Variants in STK38L observed in about 807,000 individuals in gnomAD.
The protein encoded by STK38L is serine/threonine kinase 38 like.
In STK38L, 28 loss-of-function variants were observed where a neutral mutation model predicts 59.7. The observed-to-expected ratio is 0.47, with a 90% CI of 0.35 to 0.64. The LOEUF is 0.64. STK38L is among the 30% of genes least tolerant of loss of function. The pLI, the probability that STK38L is intolerant of heterozygous loss-of-function variation, is 0.01. For synonymous variants in STK38L, 162 were observed against 176.8 expected, an observed-to-expected ratio of 0.92 and a Z score of 0.66; for missense variants, 314 against 555.8, an observed-to-expected ratio of 0.56 and a Z score of 4.37.
rs757688003 is a variant in STK38L at position 27,315,129 on chromosome 12, T to C, written c.775+12T>C. 1.9e-6 allele frequency: 3 copies of C among 1,610,214 alleles called. No individual in the cohort carries two copies. The highest frequency in any genetic ancestry group is 1.7e-6 in the Non-Finnish European group (2 of 1,177,042). On this transcript the variant is annotated intron_variant, in intron 8 of 13. Coordinates refer to ENST00000389032, the MANE Select transcript of STK38L (RefSeq NM_015000.4). Reference sequence around the variant, plus strand: ...ACCAAGTGACTTCTGTAAGTTTGGTTGTTGTTTTTCTTCTTTCCCCTGGTT... The same window carrying C: ...ACCAAGTGACTTCTGTAAGTTTGGTCGTTGTTTTTCTTCTTTCCCCTGGTT...
intron 12 of STK38L, among the ~76,000 whole-genome samples, chr12:27,320,961 C>T (rs1366595565): frequency 1.3e-5 from 2 of 151,954 alleles, no homozygotes; most frequent in African/African-American, 4.8e-5. Flanking sequence ...TTGAATAGAA[C>T]TAGAATACCC....
chr12:27,321,839 C>T (rs1288187281), intron 12 of STK38L, among the ~76,000 whole-genome samples: 3 of 152,080 alleles, frequency 2.0e-5, no homozygotes, highest in African/African-American at 7.2e-5. Context: ...CCATTCTGCA[C>T]GATGTGCTTA....
intron 6 of STK38L, 37 bp from the exon 7 acceptor site, chr12:27,314,467 T>C: frequency 7.0e-7 from 1 of 1,431,830 alleles, no homozygotes; most frequent in Non-Finnish European, 9.2e-7. Context: ...CTTTGAGGCA[T>C]TTTCAATAAT....
At position 27,308,377 on chromosome 12, in the gene STK38L, A is replaced by G. The variant is rs1238614785; in HGVS notation, c.225A>G (p.Thr75=). Residue 75 remains threonine (T), a synonymous_variant, in exon 4 of 14, where the codon ACA becomes ACG. Coordinates refer to ENST00000389032, the MANE Select transcript of STK38L (RefSeq NM_015000.4). The surrounding 1 kb of genome is among the most constrained non-coding windows in gnomAD (Gnocchi z 4.5). ...GATCACAACACGCTCGCAAAGAAAC[A>G]GAGTTCTTACGGCTCAAAAGGACCA... ...LRRSQHARKE[T]EFLRLKRTRL... is the part of the protein sequence containing the mutation. 2 of 1,598,164 alleles carry G rather than the reference A, an allele frequency of 1.3e-6. No homozygotes were observed. The highest frequency in any genetic ancestry group is 1.7e-5 in the Admixed American group (1 of 58,342).
At chr12:27,277,513 A>C (rs1050414245) in intron 1 of STK38L, among the ~76,000 whole-genome samples, 7 of 152,172 alleles carry the variant, frequency 4.6e-5, no homozygotes, top group African/African-American at 1.7e-4. Context: ...ACTCAAAGGT[A>C]AGTTTTCTGT....
At chr12:27,254,226 A>G (rs552909037) in intron 1 of STK38L, among the ~76,000 whole-genome samples, 8 of 152,214 alleles carry the variant, frequency 5.3e-5, no homozygotes, top group Admixed American at 2.0e-4. Context: ...ATAGGGTTTT[A>G]TGGAACTCTT....
chr12:27,311,966 G>A (rs1008150096), intron 5 of STK38L, among the ~76,000 whole-genome samples: 1 of 151,702 alleles, frequency 6.6e-6, no homozygotes, highest in Non-Finnish European at 1.5e-5. Context: ...TGCAACCTCC[G>A]CCTCCCGGGT....
chr12:27,247,814 ATT>A (rs11448972), intron 1 of STK38L, among the ~76,000 whole-genome samples: 2,106 of 126,530 alleles, frequency 0.017, 31 homozygotes, highest in African/African-American at 0.054. Context: ...TTGTTCTGTA[ATT>A]TTTTTTTTTT....
Position 27,308,113 on chromosome 12 carries a change from C to T in STK38L, c.187-226C>T, listed in dbSNP as rs1409644724. ...AGTTATACATATATATATATATAGACAAATATGATGGACTGAATTACATAT... is the reference window on the plus strand; with the variant it reads ...AGTTATACATATATATATATATAGATAAATATGATGGACTGAATTACATAT... On this transcript the variant is annotated intron_variant, in intron 3 of 13. Coordinates refer to ENST00000389032, the MANE Select transcript of STK38L (RefSeq NM_015000.4). This position sits in a 1 kb window ranked among gnomAD's most constrained non-coding sequence, Gnocchi z 4.5. 1.5e-5 allele frequency among the ~76,000 whole-genome samples: 2 copies of T among 135,492 alleles called. No homozygotes were observed. The highest frequency in any genetic ancestry group is 5.4e-5 in the African/African-American group (2 of 36,756). The allele number at this position is 135,492 out of a possible 152,430, so 88.9% of individuals were successfully genotyped here. A position where few individuals can be genotyped will look rare whatever the true frequency, so the allele number is the denominator to read the frequency against.
intron 1 of STK38L, among the ~76,000 whole-genome samples, chr12:27,291,928 G>A (rs1482511669): frequency 6.6e-6 from 1 of 152,172 alleles, no homozygotes; most frequent in Admixed American, 6.5e-5. Flanking sequence ...ATGGTAAATG[G>A]TTGGAGATAC....
chr12:27,260,437 G>C (rs1336281083), intron 1 of STK38L, among the ~76,000 whole-genome samples: 1 of 152,154 alleles, frequency 6.6e-6, no homozygotes, highest in Non-Finnish European at 1.5e-5. Context: ...TAATAAGTGT[G>C]AATTCTCATG....
At chr12:27,270,350 A>T (rs1943397799) in intron 1 of STK38L, among the ~76,000 whole-genome samples, 2 of 151,682 alleles carry the variant, frequency 1.3e-5, no homozygotes, top group Admixed American at 1.3e-4. Flanking sequence ...TGGGTCTACC[A>T]GTGTGCCACC....
chr12:27,253,067 T>C (rs1004016592), intron 1 of STK38L, among the ~76,000 whole-genome samples: 1 of 152,220 alleles, frequency 6.6e-6, no homozygotes, highest in African/African-American at 2.4e-5. Flanking sequence ...GAAAGCTTCC[T>C]ATATGAAGTG....
chr12:27,306,092 G>A (rs541462935), intron 3 of STK38L, among the ~76,000 whole-genome samples: 2 of 152,178 alleles, frequency 1.3e-5, no homozygotes, highest in Non-Finnish European at 2.9e-5. Context: ...TATAGGTGAT[G>A]CTCATTTTTA....
intron 1 of STK38L, among the ~76,000 whole-genome samples, chr12:27,270,846 TATG>T (rs1943408381): frequency 6.6e-6 from 1 of 152,184 alleles, no homozygotes; most frequent in African/African-American, 2.4e-5. Context: ...GTTGAATCTT[TATG>T]ATGTTATTTG....
intron 3 of STK38L, 153 bp downstream of exon 3, chr12:27,302,341 T>A: frequency 1.8e-6 from 1 of 543,356 alleles, no homozygotes; most frequent in Non-Finnish European, 3.1e-6. Flanking sequence ...ATTGATATCT[T>A]TAGAAGGAGG....
intron 1 of STK38L, among the ~76,000 whole-genome samples, chr12:27,276,316 T>C (rs1021108741): frequency 6.6e-6 from 1 of 152,152 alleles, no homozygotes; most frequent in Admixed American, 6.6e-5. Flanking sequence ...TTTTTAAACT[T>C]CTAAATATGA....
chr12:27,261,956 T>G (rs1399869347), intron 1 of STK38L, among the ~76,000 whole-genome samples: 3 of 152,238 alleles, frequency 2.0e-5, no homozygotes, highest in Non-Finnish European at 2.9e-5. Context: ...TATTAGCATA[T>G]GCATGGCATG....
At chr12:27,261,578 T>G (rs981207565) in intron 1 of STK38L, among the ~76,000 whole-genome samples, 3 of 152,216 alleles carry the variant, frequency 2.0e-5, no homozygotes, top group African/African-American at 7.2e-5. Flanking sequence ...CCCAGCCAGC[T>G]TCTTTCATTG....
Sources: gnomAD v4.1 joint callset for allele counts (sites outside exome capture counted in the v4.1 genomes callset) on GRCh38, gnomAD v4.1.1 for gene constraint, Gnocchi (gnomAD v3.1) non-coding constraint, MANE v1.5 for transcripts, NCBI Gene and HGNC (gene_info 2026-07-23, HGNC 2026-07-21) for gene names.